ZFYVE19: variants seen among roughly 807,000 people sequenced by gnomAD.
The protein encoded by ZFYVE19 is zinc finger FYVE-type containing 19.
In ZFYVE19, 49 loss-of-function variants were observed where a neutral mutation model predicts 62.8. That is an observed-to-expected ratio of 0.78 (90% CI 0.62 to 0.99). The LOEUF (loss-of-function observed/expected upper bound fraction) is 0.99, where lower values mean the gene tolerates loss of function less well. Ranked by LOEUF, ZFYVE19 falls within the 50% of genes least tolerant of loss-of-function variation. The pLI, the probability that ZFYVE19 is intolerant of heterozygous loss-of-function variation, is 0.00. For missense variants in ZFYVE19, 630 were observed against 601.9 expected, an observed-to-expected ratio of 1.05 and a Z score of -0.49; for synonymous variants, 242 against 234.3, an observed-to-expected ratio of 1.03 and a Z score of -0.30.
chr15:40,810,497 A>C, intron 5 of ZFYVE19, 152 bp from the exon 6 acceptor site: 2 of 1,430,670 alleles, frequency 1.4e-6, no homozygotes, highest in Non-Finnish European at 1.8e-6. Flanking sequence ...GTGGCCCCTC[A>C]GTCCTGTTGG....
chr15:40,811,989 C>A (rs765375046), intron 6 of ZFYVE19, among the ~76,000 whole-genome samples: 13 of 152,178 alleles, frequency 8.5e-5, no homozygotes, highest in Non-Finnish European at 1.6e-4. Context: ...GATGCTAATT[C>A]CTGCCCTGAA....
At position 40,807,224 on chromosome 15, in the gene ZFYVE19, G is replaced by A. The variant is rs894227342; in HGVS notation, c.-366G>A. Reference sequence around the variant, plus strand: ...CCGTCCAGGAAATGTCTGGGAGCCCGCCTGCGGAGGGCATAGCGCCGACCC... The same window carrying A: ...CCGTCCAGGAAATGTCTGGGAGCCCACCTGCGGAGGGCATAGCGCCGACCC... On this transcript the variant is annotated 5_prime_UTR_variant, in exon 1 of 11. Coordinates refer to ENST00000355341, the MANE Select transcript of ZFYVE19 (RefSeq NM_001077268.2). 7 of 1,536,278 alleles carry A rather than the reference G, an allele frequency of 4.6e-6. No individual in the cohort carries two copies. The African/African-American group carries it at 8.2e-5, about 18-fold the overall frequency.
At chr15:40,807,958 TC>T in intron 1 of ZFYVE19, 90 bp downstream of exon 1, 4 of 1,462,174 alleles carry the variant, frequency 2.7e-6, no homozygotes, top group Non-Finnish European at 3.7e-6. Context: ...GTCTTACGGC[TC>T]CTTTCCAGCT....
At chr15:40,809,027 A>G in intron 1 of ZFYVE19, 92 bp from the exon 2 acceptor site, 2 of 1,559,072 alleles carry the variant, frequency 1.3e-6, no homozygotes. Context: ...TCATAACTTC[A>G]GTGACTTCTC....
Position 40,810,659 on chromosome 15 carries a change from C to T in ZFYVE19, c.728C>T (p.Thr243Ile), listed in dbSNP as rs1413822932. 6.4e-7 allele frequency: 1 copy of T among 1,568,676 alleles called. No homozygotes were observed. The highest frequency in any genetic ancestry group is 1.9e-5 in the Admixed American group (1 of 52,962). Residue 243 changes from threonine to isoleucine, a missense_variant, in exon 6 of 11, where the codon ACA (threonine) becomes ATA (isoleucine). Coordinates refer to ENST00000355341, the MANE Select transcript of ZFYVE19 (RefSeq NM_001077268.2). ...PSQTPQPAHHTPDTRTQAQQT... is the reference protein window; with the variant it reads ...PSQTPQPAHHIPDTRTQAQQT... ...TCCTCGTCTGTGCAGGCACATCACACACCGGACACCAGGACCCAAGCCCAG... is the reference window on the plus strand; with the variant it reads ...TCCTCGTCTGTGCAGGCACATCACATACCGGACACCAGGACCCAAGCCCAG...
At position 40,814,206 on chromosome 15, in the gene ZFYVE19, C is replaced by A. The variant is rs368719634; in HGVS notation, c.1396C>A (p.Arg466Ser). The change falls in exon 11 of 11, where the codon CGT (arginine) becomes AGT (serine). Residue 466 changes from arginine (R) to serine (S), a missense_variant. Transcript: ENST00000355341. The part of the protein sequence containing the change: ...EHQTSAYSPP[R>S]AGQEH The stretch of plus-strand genomic sequence containing the variant: ...CCAGACATCTGCCTACTCTCCTCCA[C>A]GTGCAGGCCAAGAGCACTGAAGACA... 3.7e-6 allele frequency: 6 copies of A among 1,614,090 alleles called. No homozygotes were observed. The African/African-American group carries it at 8.0e-5, about 22-fold the overall frequency.
rs768378360 is a variant in ZFYVE19 at position 40,807,332 on chromosome 15, A to C, written c.-258A>C. ...GCGCTAGGACAGGAAGGACCGCCAGACCTCTCAAGATCAGCCTTCCTCGCC... is the reference window on the plus strand; with the variant it reads ...GCGCTAGGACAGGAAGGACCGCCAGCCCTCTCAAGATCAGCCTTCCTCGCC... On this transcript the variant is annotated 5_prime_UTR_variant, in exon 1 of 11. Coordinates refer to ENST00000355341, the MANE Select transcript of ZFYVE19 (RefSeq NM_001077268.2). 3.7e-6 allele frequency: 6 copies of C among 1,613,998 alleles called. No homozygotes were observed. The highest frequency in any genetic ancestry group is 5.1e-6 in the Non-Finnish European group (6 of 1,180,010).
At chr15:40,810,792 C>A in intron 6 of ZFYVE19, 35 bp downstream of exon 6, 1 of 1,550,394 alleles carries the variant, frequency 6.4e-7, no homozygotes, top group South Asian at 1.2e-5. Flanking sequence ...GGAATCTGCC[C>A]TACCTCTTTC....
chr15:40,807,405 C>A lies in ZFYVE19; in HGVS notation c.-185C>A. 1 of 1,614,244 alleles carries A rather than the reference C, an allele frequency of 6.2e-7. No individual in the cohort carries two copies. Among genetic ancestry groups the A allele is most frequent in the Non-Finnish European group, 8.5e-7 (1 of 1,180,046 alleles). On this transcript the variant is annotated 5_prime_UTR_variant, in exon 1 of 11. Coordinates refer to ENST00000355341, the MANE Select transcript of ZFYVE19 (RefSeq NM_001077268.2). The stretch of plus-strand genomic sequence containing the variant: ...CTGCCTTCTCCTCAATGCCTAGCAG[C>A]GCGTACAGGTCCATCTGTAAGAGCT...
At chr15:40,811,126 A>C in intron 6 of ZFYVE19, 1 of 272,012 alleles carries the variant, frequency 3.7e-6, no homozygotes, top group Non-Finnish European at 7.2e-6. Flanking sequence ...AACATACCTG[A>C]CTCATAGTGA....
Position 40,807,401 on chromosome 15 carries a change from G to A in ZFYVE19, c.-189G>A. 15 of 1,614,236 alleles carry A rather than the reference G, an allele frequency of 9.3e-6. No homozygotes were observed. The highest frequency in any genetic ancestry group is 3.3e-5 in the South Asian group (3 of 91,086). The stretch of plus-strand genomic sequence containing the variant: ...TCCGCTGCCTTCTCCTCAATGCCTA[G>A]CAGCGCGTACAGGTCCATCTGTAAG... On this transcript the variant is annotated 5_prime_UTR_variant, in exon 1 of 11. Transcript: ENST00000355341.
Position 40,807,640 on chromosome 15 carries a change from C to T in ZFYVE19, c.51C>T (p.Gly17=). 6.2e-7 allele frequency: 1 copy of T among 1,612,054 alleles called. No individual in the cohort carries two copies. The highest frequency in any genetic ancestry group is 8.5e-7 in the Non-Finnish European group (1 of 1,179,368). ...CGTTGCCGCCGCTGCCGTACGCTGG[C>T]TGCAGGAGAGCGTCCGGATTCCCTG... The part of the protein sequence containing the change: ...QPPLPPLPYA[G]CRRASGFPAL... Residue 17 remains glycine (G), a synonymous_variant, in exon 1 of 11, where the codon GGC becomes GGT. Transcript: ENST00000355341.
Position 40,807,647 on chromosome 15 carries a change from A to G in ZFYVE19, c.58A>G (p.Arg20Gly). Reference sequence around the variant, plus strand: ...GCCGCTGCCGTACGCTGGCTGCAGGAGAGCGTCCGGATTCCCTGCTCTAGG... The same window carrying G: ...GCCGCTGCCGTACGCTGGCTGCAGGGGAGCGTCCGGATTCCCTGCTCTAGG... ...LPPLPYAGCRRASGFPALGRG... is the reference protein window; with the variant it reads ...LPPLPYAGCRGASGFPALGRG... Residue 20 changes from arginine (R) to glycine (G), a missense_variant, in exon 1 of 11, where the codon AGA becomes GGA. By Grantham distance (125) the Arg-to-Gly change is moderately radical. Coordinates refer to ENST00000355341, the MANE Select transcript of ZFYVE19 (RefSeq NM_001077268.2). 3 of 1,612,200 alleles carry G rather than the reference A, an allele frequency of 1.9e-6. No homozygotes were observed. In the South Asian group the frequency reaches 3.3e-5, roughly 18 times the overall value.
In ZFYVE19 at chr15:40,814,842, T is replaced by C. The variant is rs564153459; in HGVS notation, c.*616T>C. 6.4e-6 allele frequency: 1 copy of C among 157,154 alleles called. No homozygotes were observed. The highest frequency in any genetic ancestry group is 2.4e-5 in the African/African-American group (1 of 41,606). The allele number at this position is 157,154 out of a possible 1,614,324, so 9.7% of individuals were successfully genotyped here. Reference sequence around the variant, plus strand: ...CTCAGCCTCTCTACTACTCACACAATGCACGCAGGAACAATGCACACACAC... The same window carrying C: ...CTCAGCCTCTCTACTACTCACACAACGCACGCAGGAACAATGCACACACAC... On this transcript the variant is annotated 3_prime_UTR_variant, in exon 11 of 11. Transcript: ENST00000355341.
At position 40,807,667 on chromosome 15, in the gene ZFYVE19, T is replaced by C; in HGVS notation, c.78T>C (p.Ala26=). Residue 26 remains alanine (A), a synonymous_variant, in exon 1 of 11, where the codon GCT becomes GCC. Transcript: ENST00000355341. ...GCAGGAGAGCGTCCGGATTCCCTGC[T>C]CTAGGTCGCGGCGGGACAGTGCCAG... ...AGCRRASGFP[A]LGRGGTVPVG... 1 of 1,609,768 alleles carries C rather than the reference T, an allele frequency of 6.2e-7. No homozygotes were observed. Among genetic ancestry groups the C allele is most frequent in the Non-Finnish European group, 8.5e-7 (1 of 1,178,658 alleles).
intron 8 of ZFYVE19, 105 bp downstream of exon 8, chr15:40,813,522 T>C: frequency 7.5e-7 from 1 of 1,330,822 alleles, no homozygotes; most frequent in African/African-American, 1.5e-5. Context: ...TCCTGTTCTC[T>C]TTGGGCCCCC....
chr15:40,807,745 G>A lies in ZFYVE19; in HGVS notation c.156G>A (p.Glu52=), dbSNP rs2141971854. The A allele has an allele frequency of 1.3e-6, 2 of 1,592,090 alleles. No individual in the cohort carries two copies. Among genetic ancestry groups the A allele is most frequent in the Non-Finnish European group, 1.7e-6 (2 of 1,172,202 alleles). ...GAAGGGAAGGGCGGAGCTGGGGTGA[G>A]GGTCCAAGGGGCCCAGGACTTGGCC... The part of the protein sequence containing the change: ...GQGREGRSWG[E]GPRGPGLGRR... Residue 52 remains glutamate, a synonymous_variant, in exon 1 of 11, where the codon GAG becomes GAA. Coordinates refer to ENST00000355341, the MANE Select transcript of ZFYVE19 (RefSeq NM_001077268.2).
chr15:40,809,026 C>G, intron 1 of ZFYVE19, 93 bp from the exon 2 acceptor site: 1 of 1,557,972 alleles, frequency 6.4e-7, no homozygotes, highest in South Asian at 1.2e-5. Flanking sequence ...GTCATAACTT[C>G]AGTGACTTCT....
At chr15:40,810,043 T>TA in intron 4 of ZFYVE19, 28 bp from the exon 5 acceptor site, 1 of 1,614,142 alleles carries the variant, frequency 6.2e-7, no homozygotes, top group South Asian at 1.1e-5. Context: ...CTCTGGCCCT[T>TA]ACAAGGCTCC....
Sources: gnomAD v4.1 joint callset for allele counts (sites outside exome capture counted in the v4.1 genomes callset) on GRCh38, gnomAD v4.1.1 for gene constraint, MANE v1.5 for transcripts, NCBI Gene and HGNC (gene_info 2026-07-23, HGNC 2026-07-21) for gene names.